Variants in SNAP25 observed in about 807,000 individuals in gnomAD.
SNAP25 encodes synaptosomal-associated protein 25.
Under a neutral mutation model 28.7 loss-of-function variants are expected in SNAP25, and 3 were observed. That is an observed-to-expected ratio of 0.10 (90% confidence interval 0.05 to 0.27). The LOEUF (loss-of-function observed/expected upper bound fraction) is 0.27. Among genes scored for constraint, SNAP25 ranks in the 10% least tolerant of loss-of-function variants. The pLI is 1.00. For synonymous variants in SNAP25, 61 were observed against 88.1 expected (o/e 0.69, Z 1.72); for missense variants, 117 against 278.7 (o/e 0.42, Z 4.13).
At position 10,267,647 on chromosome 20, in the gene SNAP25, G is replaced by T. The variant is rs920852729; in HGVS notation, c.-63-7782G>T. Reference sequence around the variant, plus strand: ...GGCTCACTACAACCTCCGCCTCCCAGGTACGAGGTTTCTCCTGCCTCAGCC... The same window carrying T: ...GGCTCACTACAACCTCCGCCTCCCATGTACGAGGTTTCTCCTGCCTCAGCC... On this transcript the variant is annotated intron_variant, in intron 1 of 7. Transcript: ENST00000254976. 2.6e-5 allele frequency among the ~76,000 whole-genome samples: 4 copies of T among 152,156 alleles called. No homozygotes were observed. The East Asian group carries it at 7.7e-4, about 29-fold the overall frequency.
At chr20:10,248,998 G>C (rs1378810465) in intron 1 of SNAP25, among the ~76,000 whole-genome samples, 1 of 152,160 alleles carries the variant, frequency 6.6e-6, no homozygotes, top group Admixed American at 6.5e-5. Flanking sequence ...TGAAAAAACA[G>C]AAGTTCAGAA....
chr20:10,279,259 G>T (rs997180765), intron 3 of SNAP25, among the ~76,000 whole-genome samples: 1 of 152,182 alleles, frequency 6.6e-6, no homozygotes, highest in Non-Finnish European at 1.5e-5. Context: ...TTAGTAATAT[G>T]CCTACATGAG....
chr20:10,278,759 A>C (rs1401452378), intron 3 of SNAP25, among the ~76,000 whole-genome samples: 1 of 151,970 alleles, frequency 6.6e-6, no homozygotes, highest in Admixed American at 6.5e-5. Flanking sequence ...GGATAAAAGG[A>C]AAGGCAGCCG....
At chr20:10,243,742 G>A (rs917042258) in intron 1 of SNAP25, among the ~76,000 whole-genome samples, 10 of 152,152 alleles carry the variant, frequency 6.6e-5, no homozygotes, top group African/African-American at 9.7e-5. Context: ...ATTACGCTCC[G>A]TTATTTGGTG....
intron 1 of SNAP25, among the ~76,000 whole-genome samples, chr20:10,254,945 G>A (rs572838633): frequency 6.6e-6 from 1 of 152,022 alleles, no homozygotes; most frequent in Non-Finnish European, 1.5e-5. Context: ...TATAGAAAAG[G>A]GTCTGTGCCT....
chr20:10,229,820 C>T (rs192348906), intron 1 of SNAP25, among the ~76,000 whole-genome samples: 15 of 152,128 alleles, frequency 9.9e-5, no homozygotes, highest in Admixed American at 4.6e-4. Flanking sequence ...ACTCTTCCCC[C>T]GACAAACAAG....
chr20:10,278,691 G>A (rs1371239757), intron 3 of SNAP25, among the ~76,000 whole-genome samples: 2 of 152,066 alleles, frequency 1.3e-5, no homozygotes, highest in Non-Finnish European at 2.9e-5. Flanking sequence ...CTCCCCTCAT[G>A]CTATCATAAA....
At chr20:10,275,070 T>TAAATAAATAAAA (rs1352465197) in intron 1 of SNAP25, among the ~76,000 whole-genome samples, 1 of 7,594 alleles carries the variant, frequency 1.3e-4, no homozygotes, top group Non-Finnish European at 3.3e-4. Context: ...TAGAGCTATT[T>TAAATAAATAAAA]AAATAAATAA....
chr20:10,278,308 T>C (rs1401374116), intron 3 of SNAP25, among the ~76,000 whole-genome samples: 3 of 152,184 alleles, frequency 2.0e-5, no homozygotes, highest in African/African-American at 7.2e-5. Context: ...CCTGCCTGGA[T>C]TGAGCATCCA....
chr20:10,221,506 G>A (rs886720158), intron 1 of SNAP25, among the ~76,000 whole-genome samples: 1 of 152,158 alleles, frequency 6.6e-6, no homozygotes, highest in African/African-American at 2.4e-5. Context: ...GGAGCAGATG[G>A]ACATAGGATG....
chr20:10,303,302 T>C (rs6108464), intron 7 of SNAP25, among the ~76,000 whole-genome samples: 54,762 of 151,944 alleles, frequency 0.36, 10,108 homozygotes, highest in East Asian at 0.4. Context: ...GAGTCTGTAG[T>C]TCAAAACAAT....
intron 1 of SNAP25, among the ~76,000 whole-genome samples, chr20:10,234,680 C>A (rs2062885900): frequency 6.6e-6 from 1 of 152,152 alleles, no homozygotes; most frequent in South Asian, 2.1e-4. Context: ...ACAACTCTTT[C>A]CTATGAATGT....
chr20:10,301,406 C>G (rs1182674453), intron 7 of SNAP25, among the ~76,000 whole-genome samples: 2 of 152,074 alleles, frequency 1.3e-5, no homozygotes, highest in Non-Finnish European at 2.9e-5. Context: ...CTTTAAATAG[C>G]CCCTTTTTTT....
intron 1 of SNAP25, among the ~76,000 whole-genome samples, chr20:10,247,251 A>G (rs1467021369): frequency 6.6e-6 from 1 of 152,218 alleles, no homozygotes; most frequent in Non-Finnish European, 1.5e-5. Flanking sequence ...CTGATGACCA[A>G]CAACAGAGTG....
Position 10,293,712 on chromosome 20 carries a change from G to T in SNAP25, c.281+434G>T, listed in dbSNP as rs943740683. ...CCAAAATAAAAGAGACAGGTAATTT[G>T]GCCCAGGGAAGGATTCTATAAATTA... On this transcript the variant is annotated intron_variant, in intron 5 of 7. Coordinates refer to ENST00000254976, the MANE Select transcript of SNAP25 (RefSeq NM_130811.4). This position sits in a 1 kb window ranked among gnomAD's most constrained non-coding sequence, Gnocchi z 5.6. Among the ~76,000 whole-genome samples, 1 of 152,134 alleles carries T rather than the reference G, an allele frequency of 6.6e-6. No homozygotes were observed. Among genetic ancestry groups the T allele is most frequent in the Non-Finnish European group, 1.5e-5 (1 of 68,032 alleles).
intron 1 of SNAP25, among the ~76,000 whole-genome samples, chr20:10,266,952 T>C (rs2063517453): frequency 6.6e-6 from 1 of 152,142 alleles, no homozygotes; most frequent in South Asian, 2.1e-4. Flanking sequence ...AAAGACAGAA[T>C]GGACTTTCTT....
At chr20:10,290,647 C>CAAA (rs61495689) in intron 4 of SNAP25, among the ~76,000 whole-genome samples, 1 of 145,594 alleles carries the variant, frequency 6.9e-6, no homozygotes, top group Non-Finnish European at 1.5e-5. Context: ...ATATTTTGGC[C>CAAA]AAAAAAAAAA....
At chr20:10,304,695 A>C (rs2123195484) in intron 7 of SNAP25, among the ~76,000 whole-genome samples, 1 of 152,238 alleles carries the variant, frequency 6.6e-6, no homozygotes, top group South Asian at 2.1e-4. Context: ...GCTTTTTGGG[A>C]GCACTGCTAG....
chr20:10,223,342 A>C (rs945940942), intron 1 of SNAP25, among the ~76,000 whole-genome samples: 2 of 152,198 alleles, frequency 1.3e-5, no homozygotes, highest in Non-Finnish European at 2.9e-5. Context: ...TGCTAAGCCA[A>C]AATAGTCAGT....
Sources: allele counts gnomAD v4.1 joint callset (sites outside exome capture counted in the v4.1 genomes callset), GRCh38; gene constraint gnomAD v4.1.1; non-coding constraint Gnocchi (gnomAD v3.1); transcripts MANE v1.5; gene names NCBI Gene and HGNC (gene_info 2026-07-23, HGNC 2026-07-21).